KLK3: variants seen among roughly 807,000 people sequenced by gnomAD.
The protein encoded by KLK3 is kallikrein related peptidase 3.
KLK3 carries 23 observed loss-of-function variants against 27.7 expected under a neutral mutation model. The ratio of observed to expected loss-of-function variants is 0.83; its 90% CI spans 0.60 to 1.17. The LOEUF (loss-of-function observed/expected upper bound fraction) is 1.17, where lower values mean the gene tolerates loss of function less well. Among genes scored for constraint, KLK3 ranks in the 50% most tolerant of loss-of-function variants. The probability of loss-of-function intolerance (pLI) is 0.00; values close to 1 mark genes in which losing one functional copy is unlikely to be tolerated. For missense variants in KLK3, 322 were observed against 338.1 expected, an observed-to-expected ratio of 0.95 and a Z score of 0.37; for synonymous variants, 142 against 134.2, an observed-to-expected ratio of 1.06 and a Z score of -0.40.
At chr19:50,858,687 C>T (rs775070792) in intron 4 of KLK3, 92 bp downstream of exon 4, 4 of 1,404,372 alleles carry the variant, frequency 2.8e-6, no homozygotes, top group Non-Finnish European at 4.0e-6. Context: ...AGGCGTCTGC[C>T]TCCCCTGCTC....
At chr19:50,855,027 T>C (rs2090137674) in intron 1 of KLK3, 26 bp downstream of exon 1, 2 of 1,612,640 alleles carry the variant, frequency 1.2e-6, no homozygotes, top group South Asian at 1.1e-5. Context: ...GTTGGGGGGA[T>C]GCAGGAGAGG....
intron 4 of KLK3, 154 bp from the exon 5 acceptor site, chr19:50,859,818 C>T: frequency 6.8e-7 from 1 of 1,476,164 alleles, no homozygotes; most frequent in Non-Finnish European, 9.0e-7. Flanking sequence ...TCCCTGCCCA[C>T]CTTCTTCTGG....
In KLK3 at chr19:50,858,053, G is replaced by T. The variant is rs746553268; in HGVS notation, c.231G>T (p.Arg77=). ...IRNKSVILLG[R]HSLFHPEDTG... ...GCAAAAGCGTGATCTTGCTGGGTCG[G>T]CACAGCCTGTTTCATCCTGAAGACA... is the stretch of plus-strand genomic sequence containing the variant. Residue 77 remains arginine (R), a synonymous_variant, in exon 3 of 5, where the codon CGG becomes CGT. Transcript: ENST00000326003. 4.3e-6 allele frequency: 7 copies of T among 1,612,340 alleles called. No homozygotes were observed. The Admixed American group carries it at 6.7e-5, about 15-fold the overall frequency.
intron 4 of KLK3, 78 bp from the exon 5 acceptor site, chr19:50,859,894 T>A: frequency 1.3e-6 from 2 of 1,537,794 alleles, no homozygotes; most frequent in Non-Finnish European, 1.8e-6. Flanking sequence ...TATCTGCCTG[T>A]CCAGGTCTGA....
chr19:50,860,247 GA>G lies in KLK3; in HGVS notation c.*124del. The G allele has an allele frequency of 1.3e-6, 1 of 755,550 alleles. No individual in the cohort carries two copies. The highest frequency in any genetic ancestry group is 2.2e-6 in the Non-Finnish European group (1 of 450,564). 46.8% of individuals were successfully genotyped at this position (755,550 alleles called of 1,614,324 possible). On this transcript the variant is annotated 3_prime_UTR_variant, in exon 5 of 5. Coordinates refer to ENST00000326003, the MANE Select transcript of KLK3 (RefSeq NM_001648.2). ...TAGGTGTGAGGTCCAGGGTTGCTAG[GA>G]AAAGAAATCAGCAGACACAGGTGTA... is the stretch of plus-strand genomic sequence containing the variant.
At chr19:50,855,776 G>A (rs1310694581) in intron 1 of KLK3, 1 of 155,166 alleles carries the variant, frequency 6.4e-6, no homozygotes, top group Non-Finnish European at 1.4e-5. Flanking sequence ...TTCTCAACCT[G>A]GGACTTCCTA....
Position 50,858,030 on chromosome 19 carries a change from A to T in KLK3, c.208A>T (p.Lys70Ter), listed in dbSNP as rs1464286456. Reference protein sequence around the residue: ...VLTAAHCIRNKSVILLGRHSL... With the variant: ...VLTAAHCIRN ...TTCCTGCGTCTGCTTCCTCCCCAGC[A>T]AAAGCGTGATCTTGCTGGGTCGGCA... Residue 70 changes from lysine to a stop codon, truncating the protein, a stop_gained and splice_region_variant, in exon 3 of 5, where the codon AAA (lysine) becomes TAA (stop). Coordinates refer to ENST00000326003, the MANE Select transcript of KLK3 (RefSeq NM_001648.2). LOFTEE classifies it high-confidence loss of function. 6.2e-7 allele frequency: 1 copy of T among 1,606,504 alleles called. No individual in the cohort carries two copies. Among genetic ancestry groups the T allele is most frequent in the Non-Finnish European group, 8.5e-7 (1 of 1,176,848 alleles).
chr19:50,859,157 A>T (rs1286231213), intron 4 of KLK3, among the ~76,000 whole-genome samples: 1 of 152,116 alleles, frequency 6.6e-6, no homozygotes, highest in Non-Finnish European at 1.5e-5. Context: ...AGAGGGCGTC[A>T]GGAGCAGAGA....
At position 50,858,548 on chromosome 19, in the gene KLK3, T is replaced by A. The variant is rs745974856; in HGVS notation, c.583T>A (p.Phe195Ile). 2 of 1,614,186 alleles carry A rather than the reference T, an allele frequency of 1.2e-6. No individual in the cohort carries two copies. Among genetic ancestry groups the A allele is most frequent in the Admixed American group, 3.3e-5 (2 of 60,012 alleles). Reference protein sequence around the residue: ...AQVHPQKVTKFMLCAGRWTGG... With the variant: ...AQVHPQKVTKIMLCAGRWTGG... ...AGTTCACCCTCAGAAGGTGACCAAG[T>A]TCATGCTGTGTGCTGGACGCTGGAC... The change falls in exon 4 of 5, where the codon TTC (phenylalanine) becomes ATC (isoleucine). Residue 195 changes from phenylalanine (F) to isoleucine (I), a missense_variant. Phe to Ile is a conservative substitution (Grantham distance 21). Transcript: ENST00000326003.
rs575914707 is a variant in KLK3 at position 50,856,069 on chromosome 19, T to G, written c.47-171T>G. The G allele has an allele frequency of 2.6e-5, 16 of 607,820 alleles. No homozygotes were observed. In the African/African-American group the frequency reaches 3.0e-4, roughly 11 times the overall value. The allele number at this position is 607,820 out of a possible 1,614,324, so 37.7% of individuals were successfully genotyped here. On this transcript the variant is annotated intron_variant, in intron 1 of 4. Coordinates refer to ENST00000326003, the MANE Select transcript of KLK3 (RefSeq NM_001648.2). ...ACCAACCTGCAAACCTAGGGAAGAT[T>G]GACAGAATTCCCAGCCTTTCCCAGC...
chr19:50,856,750 T>A, intron 2 of KLK3: 1 of 236,680 alleles, frequency 4.2e-6, no homozygotes, highest in South Asian at 6.6e-5. Context: ...GGTCCCTCTC[T>A]AGCCAGTGTG....
At chr19:50,857,703 T>A (rs112225901) in intron 2 of KLK3, 113 of 237,902 alleles carry the variant, frequency 4.7e-4, no homozygotes, top group African/African-American at 2.0e-3. Flanking sequence ...TGTTTCTCTA[T>A]GTTTCTGTCT....
chr19:50,858,736 A>G, intron 4 of KLK3, 141 bp downstream of exon 4: 2 of 857,936 alleles, frequency 2.3e-6, no homozygotes, highest in East Asian at 5.1e-5. Context: ...GTCTCATCTC[A>G]TTCCCTCCTT....
intron 4 of KLK3, 121 bp downstream of exon 4, chr19:50,858,716 A>C (rs2090165677): frequency 3.7e-6 from 4 of 1,088,456 alleles, no homozygotes; most frequent in East Asian, 2.5e-5. Context: ...TAGCCATGCC[A>C]CCTCCCCGTG....
intron 4 of KLK3, chr19:50,859,474 C>T: frequency 6.8e-7 from 1 of 1,461,944 alleles, no homozygotes; most frequent in Non-Finnish European, 9.6e-7. Flanking sequence ...CAGCCTCCCT[C>T]ACAGGCTCCT....
At chr19:50,856,072 C>A in intron 1 of KLK3, 168 bp from the exon 2 acceptor site, 1 of 613,582 alleles carries the variant, frequency 1.6e-6, no homozygotes, top group Non-Finnish European at 2.9e-6. Flanking sequence ...GGAAGATTGA[C>A]AGAATTCCCA....
intron 1 of KLK3, 112 bp from the exon 2 acceptor site, chr19:50,856,128 G>T: frequency 2.2e-6 from 2 of 901,296 alleles, no homozygotes; most frequent in South Asian, 1.6e-5. Flanking sequence ...TCCCAGCCTT[G>T]GTTCTCTGCC....
chr19:50,854,927 A>G lies in KLK3; in HGVS notation c.-29A>G. The G allele has an allele frequency of 6.2e-7, 1 of 1,613,278 alleles. No individual in the cohort carries two copies. The highest frequency in any genetic ancestry group is 8.5e-7 in the Non-Finnish European group (1 of 1,179,562). On this transcript the variant is annotated 5_prime_UTR_variant, in exon 1 of 5. Coordinates refer to ENST00000326003, the MANE Select transcript of KLK3 (RefSeq NM_001648.2). Reference sequence around the variant, plus strand: ...GGGGAGGCTCCCCAGCCCCAAGCTTACCACCTGCACCCGGAGAGCTGTGTC... The same window carrying G: ...GGGGAGGCTCCCCAGCCCCAAGCTTGCCACCTGCACCCGGAGAGCTGTGTC...
At chr19:50,859,203 G>A in intron 4 of KLK3, among the ~76,000 whole-genome samples, 1 of 152,238 alleles carries the variant, frequency 6.6e-6, no homozygotes, top group South Asian at 2.1e-4. Context: ...ATCGGGGCAG[G>A]GTGCGAGAGG....
Sources: allele counts gnomAD v4.1 joint callset (sites outside exome capture counted in the v4.1 genomes callset), GRCh38; gene constraint gnomAD v4.1.1; transcripts MANE v1.5; gene names NCBI Gene and HGNC (gene_info 2026-07-23, HGNC 2026-07-21).